Variants in DNMT3A observed in about 807,000 individuals in gnomAD.
DNMT3A encodes the protein DNA (cytosine-5)-methyltransferase 3A.
A neutral mutation model predicts 117.6 loss-of-function variants in DNMT3A; 267 were observed. That is an observed-to-expected ratio of 2.27 (90% CI 2.05 to 2.51). DNMT3A has a LOEUF of 2.51. Among genes scored for constraint, DNMT3A ranks in the 30% most tolerant of loss-of-function variants. The pLI, the probability that DNMT3A is intolerant of heterozygous loss-of-function variation, is 0.00. For missense variants in DNMT3A, 1,029 were observed against 1,260.2 expected (o/e 0.82, Z 2.78); for synonymous variants, 432 against 474.8 (o/e 0.91, Z 1.17).
chr2:25,285,102 G>A (rs1444736800), intron 3 of DNMT3A, among the ~76,000 whole-genome samples: 5 of 152,188 alleles, frequency 3.3e-5, no homozygotes, highest in African/African-American at 4.8e-5. Context: ...ATGGGACGGA[G>A]TTCCAGAAGT....
Position 25,246,079 on chromosome 2 carries a change from G to C in DNMT3A, c.1430-15C>G. ...CACCAGCCGCTCTGCAAGGGGAGGA[G>C]AGCTGGCGTCAGAGGAGGCCGCGCC... On this transcript the variant is annotated splice_polypyrimidine_tract_variant and intron_variant, in intron 11 of 22. Coordinates refer to ENST00000321117, the MANE Select transcript of DNMT3A (RefSeq NM_022552.5). 6.2e-7 allele frequency: 1 copy of C among 1,614,190 alleles called. No homozygotes were observed. The highest frequency in any genetic ancestry group is 8.5e-7 in the Non-Finnish European group (1 of 1,180,026).
chr2:25,247,628 C>T lies in DNMT3A; in HGVS notation c.977G>A (p.Arg326His), dbSNP rs758881009. The change falls in exon 8 of 23, where the codon CGC (arginine) becomes CAC (histidine). Residue 326 changes from arginine to histidine, a missense_variant. Arg to His is a conservative substitution (Grantham distance 29). Transcript: ENST00000321117. The surrounding 1 kb of genome is among the most constrained non-coding windows in gnomAD (Gnocchi z 5.6). ...TGRSRAAEGTRWVMWFGDGKF... is the reference protein window; with the variant it reads ...TGRSRAAEGTHWVMWFGDGKF... Reference sequence around the variant, plus strand: ...GCCGTCTCCGAACCACATGACCCAGCGGGTGCCTTCAGCTGCTCGGCTCCG... The same window carrying T: ...GCCGTCTCCGAACCACATGACCCAGTGGGTGCCTTCAGCTGCTCGGCTCCG... 1.6e-5 allele frequency: 26 copies of T among 1,613,892 alleles called. No individual in the cohort carries two copies. The highest frequency in any genetic ancestry group is 5.3e-5 in the African/African-American group (4 of 74,896).
intron 6 of DNMT3A, among the ~76,000 whole-genome samples, chr2:25,265,546 C>T (rs1349981759): frequency 4.6e-5 from 7 of 152,134 alleles, no homozygotes; most frequent in Non-Finnish European, 7.4e-5. Context: ...TGGCCGGGCG[C>T]GGTGGCTCAT....
rs556555361 is a variant in DNMT3A at position 25,313,456 on chromosome 2, G to A, written c.72+457C>T. 1.8e-4 allele frequency among the ~76,000 whole-genome samples: 28 copies of A among 152,292 alleles called. 1 individual carries two copies. Among genetic ancestry groups the A allele is most frequent in the African/African-American group, 6.5e-4 (27 of 41,566 alleles). ...TCTGTGTGGGAGGGTGGGCCCCCGCGGCCTCGTGTCTGCCGTGCCCCACCC... is the reference window on the plus strand; with the variant it reads ...TCTGTGTGGGAGGGTGGGCCCCCGCAGCCTCGTGTCTGCCGTGCCCCACCC... On this transcript the variant is annotated intron_variant, in intron 2 of 22. Transcript: ENST00000321117.
At position 25,237,068 on chromosome 2, in the gene DNMT3A, T is replaced by G; in HGVS notation, c.2409-63A>C. 1.3e-6 allele frequency: 2 copies of G among 1,546,322 alleles called. No homozygotes were observed. Among genetic ancestry groups the G allele is most frequent in the Non-Finnish European group, 1.8e-6 (2 of 1,130,134 alleles). ...GGATAACAGCGGGAAGGGCCCCAGCTGCACGACTCCCCTCCCTCCCCCAGC... is the reference window on the plus strand; with the variant it reads ...GGATAACAGCGGGAAGGGCCCCAGCGGCACGACTCCCCTCCCTCCCCCAGC... On this transcript the variant is annotated intron_variant, in intron 20 of 22. Transcript: ENST00000321117. This position sits in a 1 kb window ranked among gnomAD's most constrained non-coding sequence, Gnocchi z 5.4.
chr2:25,278,451 C>G (rs991127111), intron 4 of DNMT3A, among the ~76,000 whole-genome samples: 3 of 152,220 alleles, frequency 2.0e-5, no homozygotes, highest in Admixed American at 6.5e-5. Context: ...CTAATCCGGT[C>G]TCTCACCAGT....
chr2:25,329,809 GCCC>G (rs1468821984), intron 1 of DNMT3A, among the ~76,000 whole-genome samples: 11 of 152,078 alleles, frequency 7.2e-5, no homozygotes, highest in Admixed American at 6.6e-4. Flanking sequence ...CACGCACACA[GCCC>G]CCCTCATGCT....
At chr2:25,310,384 G>C (rs2034046761) in intron 2 of DNMT3A, among the ~76,000 whole-genome samples, 4 of 145,318 alleles carry the variant, frequency 2.8e-5, no homozygotes. Context: ...ACATTTACCA[G>C]CTGACTCGCC....
rs1020187161 is a variant in DNMT3A at position 25,261,588 on chromosome 2, C to CAG, written c.640-13338_640-13337dup. On this transcript the variant is annotated intron_variant, in intron 6 of 22. Coordinates refer to ENST00000321117, the MANE Select transcript of DNMT3A (RefSeq NM_022552.5). ...CACCTCTGCACTCCAGCCTGGGTGA[C>CAG]AGAGTGAGACTCCGTCTCAAAAAAA... Among the ~76,000 whole-genome samples the CAG allele has an allele frequency of 2.2e-5, 3 of 136,194 alleles. No individual in the cohort carries two copies. The Admixed American group carries it at 2.3e-4, about 10-fold the overall frequency. 89.3% of individuals were successfully genotyped at this position (136,194 alleles called of 152,430 possible).
chr2:25,245,932 C>T, intron 12 of DNMT3A, 88 bp downstream of exon 12: 2 of 1,536,012 alleles, frequency 1.3e-6, no homozygotes, highest in Non-Finnish European at 1.8e-6. Context: ...GGCCCCTGGT[C>T]CCATGTCATT....
At chr2:25,309,694 G>A (rs1177688464) in intron 2 of DNMT3A, among the ~76,000 whole-genome samples, 1 of 152,202 alleles carries the variant, frequency 6.6e-6, no homozygotes, top group East Asian at 1.9e-4. Flanking sequence ...CTGAGCTTCA[G>A]TTTAGCCCTT....
chr2:25,228,615 A>C lies in DNMT3A; in HGVS notation c.*5664T>G, dbSNP rs1672762786. On this transcript the variant is annotated 3_prime_UTR_variant, in exon 23 of 23. Transcript: ENST00000321117. ...TAATAATAATATATCAGAGTAAAATAATAGTCTCTTTTAAACTCCACTACA... is the reference window on the plus strand; with the variant it reads ...TAATAATAATATATCAGAGTAAAATCATAGTCTCTTTTAAACTCCACTACA... 1 of 152,228 alleles carries C rather than the reference A, an allele frequency of 6.6e-6. No homozygotes were observed. Among genetic ancestry groups the C allele is most frequent in the Non-Finnish European group, 1.5e-5 (1 of 68,038 alleles). 9.4% of individuals were successfully genotyped at this position (152,228 alleles called of 1,614,324 possible).
intron 6 of DNMT3A, among the ~76,000 whole-genome samples, chr2:25,267,155 G>A (rs1558691905): frequency 6.6e-6 from 1 of 152,148 alleles, no homozygotes; most frequent in African/African-American, 2.4e-5. Context: ...GGTTCCATTT[G>A]TGTAAAAAGA....
chr2:25,242,368 C>T (rs1054772048), intron 16 of DNMT3A, among the ~76,000 whole-genome samples: 1 of 152,054 alleles, frequency 6.6e-6, no homozygotes, highest in Non-Finnish European at 1.5e-5. Context: ...CGAACTGAGG[C>T]AAGGAAACAA....
At position 25,242,404 on chromosome 2, in the gene DNMT3A, G is replaced by C. The variant is rs1558662526; in HGVS notation, c.1937-697C>G. ...TCAGAGCAGATCCCGAGAGGGTCTC[G>C]GGAGAAACAGGGTACGGCACTGTTT... On this transcript the variant is annotated intron_variant, in intron 16 of 22. Transcript: ENST00000321117. Among the ~76,000 whole-genome samples the C allele has an allele frequency of 2.6e-5, 4 of 152,256 alleles. 1 individual carries two copies. The highest frequency in any genetic ancestry group is 2.6e-4 in the Admixed American group (4 of 15,300).
chr2:25,321,121 G>A (rs999206306), intron 1 of DNMT3A, among the ~76,000 whole-genome samples: 8 of 149,394 alleles, frequency 5.4e-5, no homozygotes, highest in South Asian at 2.1e-4. Flanking sequence ...CAACAAAAGC[G>A]AAACTCCGTC....
chr2:25,240,574 T>G, intron 18 of DNMT3A, 66 bp downstream of exon 18: 1 of 1,604,656 alleles, frequency 6.2e-7, no homozygotes, highest in Non-Finnish European at 8.5e-7. Flanking sequence ...GGCAGAAATA[T>G]CCAAGGAGGA....
chr2:25,242,826 G>A (rs1021004631), intron 16 of DNMT3A, among the ~76,000 whole-genome samples: 1 of 152,120 alleles, frequency 6.6e-6, no homozygotes, highest in Non-Finnish European at 1.5e-5. Flanking sequence ...ATGCCTGCAG[G>A]GTGACCCAGC....
In DNMT3A at chr2:25,313,899, A is replaced by C. The variant is rs2034254791; in HGVS notation, c.72+14T>G. 6.5e-7 allele frequency: 1 copy of C among 1,548,924 alleles called. No individual in the cohort carries two copies. The highest frequency in any genetic ancestry group is 2.0e-5 in the Admixed American group (1 of 50,976). On this transcript the variant is annotated intron_variant, in intron 2 of 22. Coordinates refer to ENST00000321117, the MANE Select transcript of DNMT3A (RefSeq NM_022552.5). ...TCCCAGGCCAGAGGGTCCCCAGCAG[A>C]GCCCGCTGCTCACCTTTCGGTCCTC...
Sources: gnomAD v4.1 joint callset for allele counts (sites outside exome capture counted in the v4.1 genomes callset) on GRCh38, gnomAD v4.1.1 for gene constraint, Gnocchi (gnomAD v3.1) non-coding constraint, MANE v1.5 for transcripts, NCBI Gene and HGNC (gene_info 2026-07-23, HGNC 2026-07-21) for gene names.